TENM3: variants seen among roughly 807,000 people sequenced by gnomAD.
TENM3 encodes teneurin transmembrane protein 3.
Under a neutral mutation model 255.1 loss-of-function variants are expected in TENM3, and 63 were observed. The observed-to-expected ratio is 0.25, with a 90% confidence interval of 0.20 to 0.30. The LOEUF (loss-of-function observed/expected upper bound fraction) is 0.30, where lower values mean the gene tolerates loss of function less well. TENM3 is among the 10% of genes least tolerant of loss of function. The probability of loss-of-function intolerance (pLI) is 1.00; values close to 1 mark genes in which losing one functional copy is unlikely to be tolerated. For synonymous variants in TENM3, 1,306 were observed against 1,322.3 expected, an observed-to-expected ratio of 0.99 and a Z score of 0.27; for missense variants, 2,929 against 3,461.1, an observed-to-expected ratio of 0.85 and a Z score of 3.86.
chr4:181,936,672 T>A, the TENM3 span, among the ~76,000 whole-genome samples: 182 of 151,826 alleles, frequency 1.2e-3, no homozygotes, highest in African/African-American at 3.9e-3. Context: ...GGCAGTGAAA[T>A]GTGTTGAGCG....
chr4:182,540,783 GA>G (rs1349810501), intron 3 of TENM3, among the ~76,000 whole-genome samples: 1 of 152,114 alleles, frequency 6.6e-6, no homozygotes, highest in South Asian at 2.1e-4. Context: ...TGCTCTCATA[GA>G]ACTTAGTAAT....
At position 182,768,038 on chromosome 4, in the gene TENM3, C is replaced by T. The variant is rs185749467; in HGVS notation, c.4893-5434C>T. Reference sequence around the variant, plus strand: ...TATACGTAACGACATATGCTGGTCTCGTGTTTGAGTCGGGCCAGTTCAGGG... The same window carrying T: ...TATACGTAACGACATATGCTGGTCTTGTGTTTGAGTCGGGCCAGTTCAGGG... On this transcript the variant is annotated intron_variant, in intron 22 of 27. Transcript: ENST00000511685. 2.9e-3 allele frequency among the ~76,000 whole-genome samples: 442 copies of T among 152,250 alleles called. 3 individuals are homozygous for T. Among genetic ancestry groups the T allele is most frequent in the Non-Finnish European group, 4.9e-3 (330 of 68,014 alleles).
At chr4:182,688,566 A>G (rs187033818) in intron 12 of TENM3, among the ~76,000 whole-genome samples, 1 of 152,140 alleles carries the variant, frequency 6.6e-6, no homozygotes. Context: ...AAACTTTTTT[A>G]TTCATTGGTT....
chr4:182,394,885 G>A (rs749002451), intron 3 of TENM3, among the ~76,000 whole-genome samples: 19 of 152,166 alleles, frequency 1.2e-4, no homozygotes, highest in Non-Finnish European at 2.1e-4. Flanking sequence ...AAAAAATGCC[G>A]TACAGGCCAG....
chr4:182,361,770 T>A (rs1055816155), intron 3 of TENM3, among the ~76,000 whole-genome samples: 3 of 152,220 alleles, frequency 2.0e-5, no homozygotes, highest in Non-Finnish European at 1.5e-5. Flanking sequence ...GGAACTGCGT[T>A]CCTTTGGAGG....
chr4:181,884,304 A>G, the TENM3 span, among the ~76,000 whole-genome samples: 10 of 100,662 alleles, frequency 9.9e-5, no homozygotes, highest in Non-Finnish European at 2.3e-4. Flanking sequence ...TTTTATTATA[A>G]TAAATATATA....
At chr4:181,827,495 C>T in the TENM3 span, among the ~76,000 whole-genome samples, 16 of 152,214 alleles carry the variant, frequency 1.1e-4, no homozygotes, top group Non-Finnish European at 1.5e-5. Context: ...CAGCACAGCG[C>T]TTTTCTGCTA....
At chr4:182,417,052 C>G (rs1049476178) in intron 3 of TENM3, among the ~76,000 whole-genome samples, 5 of 152,066 alleles carry the variant, frequency 3.3e-5, no homozygotes, top group African/African-American at 1.2e-4. Flanking sequence ...CGGCTCACTG[C>G]AAGCTCCGCC....
chr4:182,357,116 G>A lies in TENM3; in HGVS notation c.511+10187G>A, dbSNP rs375339374. Among the ~76,000 whole-genome samples the A allele has an allele frequency of 7.9e-5, 12 of 152,014 alleles. No homozygotes were observed. In the East Asian group the frequency reaches 1.2e-3, roughly 15 times the overall value. On this transcript the variant is annotated intron_variant, in intron 3 of 27. Coordinates refer to ENST00000511685, the MANE Select transcript of TENM3 (RefSeq NM_001080477.4). Reference sequence around the variant, plus strand: ...CCATATTTTCTTAATCCAGTCTATCGTTGTTGGACATTTGGGTTGGTTCCA... The same window carrying A: ...CCATATTTTCTTAATCCAGTCTATCATTGTTGGACATTTGGGTTGGTTCCA...
chr4:181,572,552 CT>C, the TENM3 span, among the ~76,000 whole-genome samples: 5 of 151,928 alleles, frequency 3.3e-5, no homozygotes, highest in East Asian at 5.8e-4. Context: ...CAGTTTCACA[CT>C]TTTTTTTGTC....
intron 3 of TENM3, among the ~76,000 whole-genome samples, chr4:182,516,890 C>CAA (rs71605070): frequency 0.061 from 7,796 of 128,064 alleles, 262 homozygotes; most frequent in East Asian, 0.11. Context: ...GACCCAGTCT[C>CAA]AAAAAAAAAA....
chr4:182,611,340 C>T (rs573146529), intron 4 of TENM3, among the ~76,000 whole-genome samples: 1 of 149,318 alleles, frequency 6.7e-6, no homozygotes, highest in African/African-American at 2.5e-5. Flanking sequence ...AACAATTTTA[C>T]AGAATTTTAT....
intron 12 of TENM3, among the ~76,000 whole-genome samples, chr4:182,694,641 G>GA: frequency 6.6e-6 from 1 of 152,280 alleles, no homozygotes; most frequent in Middle Eastern, 3.4e-3. Flanking sequence ...TAGGAAACAA[G>GA]ATCATTAATG....
At chr4:181,604,213 C>T in the TENM3 span, among the ~76,000 whole-genome samples, 11 of 152,026 alleles carry the variant, frequency 7.2e-5, no homozygotes, top group East Asian at 1.9e-4. Context: ...TGCAGTGAGC[C>T]GAGATCGCGC....
chr4:181,907,574 G>C, the TENM3 span, among the ~76,000 whole-genome samples: 1 of 152,268 alleles, frequency 6.6e-6, no homozygotes, highest in East Asian at 1.9e-4. Flanking sequence ...ACAGTGAAGG[G>C]ATGAGACGTG....
chr4:182,474,203 T>C (rs1410579207), intron 3 of TENM3, among the ~76,000 whole-genome samples: 5 of 152,280 alleles, frequency 3.3e-5, no homozygotes, highest in African/African-American at 1.2e-4. Context: ...CCCTTAGAAA[T>C]TTTTTACTCA....
At chr4:182,182,952 A>G (rs1298749770) in intron 1 of TENM3, among the ~76,000 whole-genome samples, 1 of 152,220 alleles carries the variant, frequency 6.6e-6, no homozygotes, top group Non-Finnish European at 1.5e-5. Flanking sequence ...CCTTTTTGGA[A>G]CATGGAATTT....
chr4:181,696,888 C>CAGAGCCAAAAGGGTGTGT, the TENM3 span, among the ~76,000 whole-genome samples: 1 of 151,966 alleles, frequency 6.6e-6, no homozygotes, highest in African/African-American at 2.4e-5. Context: ...AAAGGGTGTG[C>CAGAGCCAAAAGGGTGTGT]GTCAGAGCAC....
intron 12 of TENM3, chr4:182,698,259 A>G (rs538520002): frequency 6.6e-6 from 1 of 152,318 alleles, no homozygotes; most frequent in Admixed American, 6.5e-5. Context: ...AGGGTTTATG[A>G]AATCATTCCA....
Sources: gnomAD v4.1 joint callset for allele counts (sites outside exome capture counted in the v4.1 genomes callset) on GRCh38, gnomAD v4.1.1 for gene constraint, MANE v1.5 for transcripts, NCBI Gene and HGNC (gene_info 2026-07-23, HGNC 2026-07-21) for gene names.